BRD4: variants seen among roughly 807,000 people sequenced by gnomAD.
The protein encoded by BRD4 is bromodomain containing 4, also known as bromodomain-containing protein 4.
A neutral mutation model predicts 142.1 loss-of-function variants in BRD4; 16 were observed. That is an observed-to-expected ratio of 0.11 (90% CI 0.08 to 0.17). BRD4 has a LOEUF of 0.17. Ranked by LOEUF, BRD4 falls within the 10% of genes least tolerant of loss-of-function variation. BRD4 has a pLI of 1.00. For missense variants in BRD4, 1,424 were observed against 1,810.9 expected, an observed-to-expected ratio of 0.79 and a Z score of 3.88; for synonymous variants, 833 against 707.5, an observed-to-expected ratio of 1.18 and a Z score of -2.82.
chr19:15,258,532 C>T (rs1330101295), intron 7 of BRD4, among the ~76,000 whole-genome samples: 1 of 152,168 alleles, frequency 6.6e-6, no homozygotes, highest in Non-Finnish European at 1.5e-5. Flanking sequence ...GATCCACTTG[C>T]CACAGCCTCC....
intron 7 of BRD4, among the ~76,000 whole-genome samples, chr19:15,258,204 C>T (rs1175090948): frequency 6.6e-6 from 1 of 152,244 alleles, no homozygotes; most frequent in African/African-American, 2.4e-5. Flanking sequence ...GGAATCCCCT[C>T]CTGATGGCTC....
At chr19:15,288,705 G>A (rs1202013917) in intron 1 of BRD4, among the ~76,000 whole-genome samples, 1 of 152,230 alleles carries the variant, frequency 6.6e-6, no homozygotes, top group Non-Finnish European at 1.5e-5. Context: ...CCGAAGGGAG[G>A]AAGTCAACGC....
At chr19:15,273,790 T>C (rs2047615945) in intron 1 of BRD4, among the ~76,000 whole-genome samples, 1 of 151,496 alleles carries the variant, frequency 6.6e-6, no homozygotes, top group Admixed American at 6.6e-5. Context: ...AAAATAAAAA[T>C]GAATCCATAC....
chr19:15,324,579 C>G (rs2048092050), intron 1 of BRD4, among the ~76,000 whole-genome samples: 1 of 152,192 alleles, frequency 6.6e-6, no homozygotes, highest in Non-Finnish European at 1.5e-5. Flanking sequence ...TCACCAAGCC[C>G]AGATGCCAAT....
intron 2 of BRD4, among the ~76,000 whole-genome samples, chr19:15,269,710 T>C (rs2047567735): frequency 6.6e-6 from 1 of 152,130 alleles, no homozygotes; most frequent in African/African-American, 2.4e-5. Flanking sequence ...TCACAATCCT[T>C]AGTTTAAAAA....
intron 11 of BRD4, among the ~76,000 whole-genome samples, chr19:15,251,125 G>C (rs2047339210): frequency 6.6e-6 from 1 of 152,118 alleles, no homozygotes; most frequent in Non-Finnish European, 1.5e-5. Flanking sequence ...TGGTGGCCTG[G>C]GACACAGCTG....
At chr19:15,241,127 GC>G (rs1568376804) in intron 14 of BRD4, among the ~76,000 whole-genome samples, 1 of 152,264 alleles carries the variant, frequency 6.6e-6, no homozygotes, top group Non-Finnish European at 1.5e-5. Flanking sequence ...TGTCCCCGCA[GC>G]CCACTGCTGT....
chr19:15,303,626 A>T (rs1167925908), intron 1 of BRD4, among the ~76,000 whole-genome samples: 1 of 152,224 alleles, frequency 6.6e-6, no homozygotes, highest in African/African-American at 2.4e-5. Flanking sequence ...AAGAAGGAAA[A>T]AGGCTGCCCA....
chr19:15,239,540 G>A lies in BRD4; in HGVS notation c.3446-18C>T, dbSNP rs59758739. 1,062 of 1,602,574 alleles carry A rather than the reference G, an allele frequency of 6.6e-4. 5 individuals are homozygous for A. In the African/African-American group the frequency reaches 0.013, roughly 19 times the overall value. ...TTCCGGCCCTGGAACATAAACAGCC[G>A]GTGGGCCCTGGCCCACCTCACCCCA... On this transcript the variant is annotated intron_variant, in intron 16 of 19. Coordinates refer to ENST00000679869, the MANE Select transcript of BRD4 (RefSeq NM_001379291.1). This position sits in a 1 kb window ranked among gnomAD's most constrained non-coding sequence, Gnocchi z 7.4.
intron 2 of BRD4, among the ~76,000 whole-genome samples, chr19:15,272,009 G>A (rs941881460): frequency 6.4e-5 from 9 of 141,432 alleles, no homozygotes; most frequent in Non-Finnish European, 1.1e-4. Flanking sequence ...GCCAGGGGGT[G>A]TACAGGACTT....
At chr19:15,304,911 C>T (rs992433432) in intron 1 of BRD4, among the ~76,000 whole-genome samples, 1 of 152,010 alleles carries the variant, frequency 6.6e-6, no homozygotes, top group Non-Finnish European at 1.5e-5. Context: ...AAGGGCAAAA[C>T]CTTACAACTT....
intron 14 of BRD4, among the ~76,000 whole-genome samples, chr19:15,241,396 C>T (rs558827806): frequency 6.6e-6 from 1 of 152,358 alleles, no homozygotes; most frequent in South Asian, 2.1e-4. Flanking sequence ...CAGAGGATGG[C>T]TCACGGATGA....
intron 1 of BRD4, among the ~76,000 whole-genome samples, chr19:15,316,180 A>AG (rs2145721572): frequency 6.6e-6 from 1 of 150,460 alleles, no homozygotes; most frequent in African/African-American, 2.4e-5. Flanking sequence ...AAAAAAAAAA[A>AG]GACTGAGAAG....
intron 1 of BRD4, among the ~76,000 whole-genome samples, chr19:15,277,198 T>C (rs1300920292): frequency 2.6e-5 from 4 of 152,232 alleles, no homozygotes; most frequent in South Asian, 4.1e-4. Flanking sequence ...ATTTCGCTTA[T>C]TGTTTCCAAT....
Position 15,300,824 on chromosome 19 carries a change from C to T in BRD4, c.-34-27691G>A, listed in dbSNP as rs563053319. 2.0e-5 allele frequency among the ~76,000 whole-genome samples: 3 copies of T among 152,312 alleles called. No individual in the cohort carries two copies. In the South Asian group the frequency reaches 6.2e-4, roughly 32 times the overall value. ...GAGCAACGACTAAAACTCTCATCCA[C>T]TGCTGATGAGGGCGAAAAATGATGC... On this transcript the variant is annotated intron_variant, in intron 1 of 19. Transcript: ENST00000679869.
At position 15,238,500 on chromosome 19, in the gene BRD4, A is replaced by G; in HGVS notation, c.4021-55T>C. The G allele has an allele frequency of 1.2e-6, 2 of 1,612,156 alleles. No individual in the cohort carries two copies. The highest frequency in any genetic ancestry group is 2.2e-5 in the South Asian group (2 of 90,878). ...AGGATGACCTAGCCACCCTGCAGCTACAAGCCCTCATACCCGCTACCAGCA... is the reference window on the plus strand; with the variant it reads ...AGGATGACCTAGCCACCCTGCAGCTGCAAGCCCTCATACCCGCTACCAGCA... On this transcript the variant is annotated intron_variant, in intron 19 of 19. Transcript: ENST00000679869. This position sits in a 1 kb window ranked among gnomAD's most constrained non-coding sequence, Gnocchi z 7.2.
At chr19:15,313,613 T>C (rs1171674057) in intron 1 of BRD4, among the ~76,000 whole-genome samples, 4 of 151,644 alleles carry the variant, frequency 2.6e-5, no homozygotes, top group South Asian at 4.2e-4. Context: ...CAGGCGGAGG[T>C]TGCAGTGAGC....
intron 1 of BRD4, among the ~76,000 whole-genome samples, chr19:15,288,456 T>C (rs1329153569): frequency 2.0e-5 from 3 of 152,208 alleles, no homozygotes; most frequent in Admixed American, 6.5e-5. Context: ...GATCCAGTTA[T>C]AAACTTGGAC....
intron 1 of BRD4, among the ~76,000 whole-genome samples, chr19:15,295,947 G>A (rs1463448157): frequency 6.6e-6 from 1 of 152,114 alleles, no homozygotes; most frequent in Non-Finnish European, 1.5e-5. Flanking sequence ...CTCCAGCCTG[G>A]GCAACAAAGG....
Sources: allele counts gnomAD v4.1 joint callset (sites outside exome capture counted in the v4.1 genomes callset), GRCh38; gene constraint gnomAD v4.1.1; non-coding constraint Gnocchi (gnomAD v3.1); transcripts MANE v1.5; gene names NCBI Gene and HGNC (gene_info 2026-07-23, HGNC 2026-07-21).